Variants in MFN1 observed in about 807,000 individuals in gnomAD.
MFN1 encodes mitofusin 1.
Under a neutral mutation model 92.4 loss-of-function variants are expected in MFN1, and 65 were observed. The ratio of observed to expected loss-of-function variants is 0.70; its 90% CI spans 0.58 to 0.86. The LOEUF is 0.86. Among genes scored for constraint, MFN1 ranks in the 40% least tolerant of loss-of-function variants. The pLI is 0.00. For missense variants in MFN1, 781 were observed against 868.0 expected (o/e 0.90, Z 1.26); for synonymous variants, 297 against 300.9 (o/e 0.99, Z 0.13).
intron 3 of MFN1, among the ~76,000 whole-genome samples, chr3:179,353,872 G>A (rs1211463504): frequency 6.6e-6 from 1 of 152,176 alleles, no homozygotes; most frequent in East Asian, 1.9e-4. Flanking sequence ...TTGTAGCTAC[G>A]TCTAGTGCCT....
chr3:179,386,532 G>A lies in MFN1; in HGVS notation c.1915G>A (p.Glu639Lys). 2.5e-6 allele frequency: 4 copies of A among 1,614,072 alleles called. No individual in the cohort carries two copies. The South Asian group carries it at 4.4e-5, about 18-fold the overall frequency. The change falls in exon 16 of 18, where the codon GAG becomes AAG. Residue 639 changes from glutamate to lysine, a missense_variant. Glu to Lys is a moderately conservative substitution (Grantham distance 56). Transcript: ENST00000471841. Reference protein sequence around the residue: ...ERLSWTTHAKERAFKQQFVNY... With the variant: ...ERLSWTTHAKKRAFKQQFVNY... ...ACTGAGCTGGACCACCCATGCCAAG[G>A]AGCGAGCCTTTAAACAGCAGTTTGT...
At chr3:179,369,934 C>G (rs1273110811) in intron 9 of MFN1, among the ~76,000 whole-genome samples, 1 of 152,044 alleles carries the variant, frequency 6.6e-6, no homozygotes, top group Admixed American at 6.6e-5. Context: ...ATGGAATGTC[C>G]AGCTTTAGAG....
intron 15 of MFN1, among the ~76,000 whole-genome samples, chr3:179,386,038 C>A (rs1713674105): frequency 1.3e-5 from 2 of 152,200 alleles, no homozygotes; most frequent in South Asian, 4.1e-4. Context: ...ATCTAGCCTT[C>A]TCTGAATATC....
chr3:179,366,278 A>G (rs1712790167), intron 7 of MFN1, among the ~76,000 whole-genome samples: 1 of 152,140 alleles, frequency 6.6e-6, no homozygotes, highest in Non-Finnish European at 1.5e-5. Flanking sequence ...ACAAGTTAAG[A>G]ATATGTTCGA....
intron 2 of MFN1, among the ~76,000 whole-genome samples, chr3:179,349,399 T>C (rs985570754): frequency 2.0e-5 from 3 of 152,130 alleles, no homozygotes; most frequent in African/African-American, 7.2e-5. Flanking sequence ...AGCCAAGACC[T>C]CAGACATATC....
Position 179,353,218 on chromosome 3 carries a change from T to G in MFN1, c.248+1183T>G, listed in dbSNP as rs537149722. Among the ~76,000 whole-genome samples the G allele has an allele frequency of 3.1e-5, 4 of 130,662 alleles. No individual in the cohort carries two copies. In the South Asian group the frequency reaches 1.0e-3, roughly 33 times the overall value. 85.7% of individuals were successfully genotyped at this position (130,662 alleles called of 152,430 possible). A position where few individuals can be genotyped will look rare whatever the true frequency, so the allele number is the denominator to read the frequency against. On this transcript the variant is annotated intron_variant, in intron 3 of 17. Transcript: ENST00000471841. ...ACAGGCGTGTGCTGCCACACCTGGCTAATTTTTTTTTTTTTTTTTTGTATT... is the reference window on the plus strand; with the variant it reads ...ACAGGCGTGTGCTGCCACACCTGGCGAATTTTTTTTTTTTTTTTTTGTATT...
At chr3:179,379,484 G>C (rs1577013736) in intron 14 of MFN1, among the ~76,000 whole-genome samples, 1 of 152,144 alleles carries the variant, frequency 6.6e-6, no homozygotes, top group Non-Finnish European at 1.5e-5. Context: ...CTCCTGAGCA[G>C]CTGGGATTAT....
chr3:179,375,698 C>T (rs1285759512), intron 10 of MFN1, among the ~76,000 whole-genome samples: 2 of 152,154 alleles, frequency 1.3e-5, no homozygotes, highest in Non-Finnish European at 2.9e-5. Flanking sequence ...ATTCAACCCA[C>T]GACCCATTTT....
intron 7 of MFN1, 74 bp from the exon 8 acceptor site, chr3:179,367,365 G>A (rs1453317448): frequency 1.8e-5 from 23 of 1,250,656 alleles, no homozygotes; most frequent in Non-Finnish European, 2.5e-5. Context: ...AATAAAGTAA[G>A]TATTGGTCTA....
Position 179,394,605 on chromosome 3 carries a change from C to T in MFN1, c.*2546C>T, listed in dbSNP as rs1215883093. 12 of 151,396 alleles carry T rather than the reference C, an allele frequency of 7.9e-5. No homozygotes were observed. Among genetic ancestry groups the T allele is most frequent in the Admixed American group, 6.6e-4 (10 of 15,184 alleles). 9.4% of individuals were successfully genotyped at this position (151,396 alleles called of 1,614,324 possible). A position where few individuals can be genotyped will look rare whatever the true frequency, so the allele number is the denominator to read the frequency against. On this transcript the variant is annotated 3_prime_UTR_variant, in exon 18 of 18. Coordinates refer to ENST00000471841, the MANE Select transcript of MFN1 (RefSeq NM_033540.3). ...TAATTTTTTGTATTTTTAGTAGAGA[C>T]GGGGTTTCACCGTGTTAGCCAGGAT... is the stretch of plus-strand genomic sequence containing the variant.
chr3:179,375,083 G>A, intron 9 of MFN1, 137 bp from the exon 10 acceptor site: 1 of 961,824 alleles, frequency 1.0e-6, no homozygotes. Context: ...ATTTTAAGTT[G>A]TGCTTTTATC....
At chr3:179,390,229 A>T (rs934177617) in intron 17 of MFN1, 91 bp downstream of exon 17, 31 of 1,104,784 alleles carry the variant, frequency 2.8e-5, no homozygotes, top group Non-Finnish European at 3.7e-5. Context: ...TTCATTCCTA[A>T]TAGCTTTTTG....
intron 3 of MFN1, among the ~76,000 whole-genome samples, chr3:179,354,198 A>G (rs1369335937): frequency 6.6e-6 from 1 of 152,222 alleles, no homozygotes; most frequent in African/African-American, 2.4e-5. Context: ...AGAAATAGGT[A>G]TAGCTTTGGA....
rs1296366689 is a variant in MFN1, at chr3:179,393,466, T to G, written c.*1407T>G. Reference sequence around the variant, plus strand: ...CTTCCTTTTCTATGCCTTTTAAGGCTTCTAGATGCTATTCAGCCTTTTTAC... The same window carrying G: ...CTTCCTTTTCTATGCCTTTTAAGGCGTCTAGATGCTATTCAGCCTTTTTAC... On this transcript the variant is annotated 3_prime_UTR_variant, in exon 18 of 18. Coordinates refer to ENST00000471841, the MANE Select transcript of MFN1 (RefSeq NM_033540.3). 1 of 152,226 alleles carries G rather than the reference T, an allele frequency of 6.6e-6. No individual in the cohort carries two copies. The highest frequency in any genetic ancestry group is 1.5e-5 in the Non-Finnish European group (1 of 68,042). The allele number at this position is 152,226 out of a possible 1,614,324, so 9.4% of individuals were successfully genotyped here.
intron 3 of MFN1, among the ~76,000 whole-genome samples, chr3:179,356,239 C>A (rs1712340216): frequency 6.6e-6 from 1 of 152,176 alleles, no homozygotes; most frequent in Non-Finnish European, 1.5e-5. Context: ...AACTTTCCTT[C>A]CCACCCACCC....
chr3:179,385,755 G>T, intron 15 of MFN1, 34 bp downstream of exon 15: 1 of 1,598,902 alleles, frequency 6.3e-7, no homozygotes, highest in South Asian at 1.1e-5. Flanking sequence ...AATTAAAATC[G>T]AAATGTTTGC....
Position 179,348,975 on chromosome 3 carries a change from T to A in MFN1, c.112+12T>A. 1 of 1,571,736 alleles carries A rather than the reference T, an allele frequency of 6.4e-7. No homozygotes were observed. The highest frequency in any genetic ancestry group is 8.7e-7 in the Non-Finnish European group (1 of 1,152,740). On this transcript the variant is annotated intron_variant, in intron 2 of 17. Transcript: ENST00000471841. ...ACATTTTGTTGAAGGTTAGTTCTTCTTAAGTTTTTAAAGTAATTACTGTTG... is the reference window on the plus strand; with the variant it reads ...ACATTTTGTTGAAGGTTAGTTCTTCATAAGTTTTTAAAGTAATTACTGTTG...
At chr3:179,381,949 T>C (rs963770500) in intron 14 of MFN1, among the ~76,000 whole-genome samples, 2 of 152,238 alleles carry the variant, frequency 1.3e-5, no homozygotes, top group Non-Finnish European at 2.9e-5. Context: ...GGAAAGCTTA[T>C]CCTAAAGCTT....
At position 179,365,114 on chromosome 3, in the gene MFN1, TC is replaced by T; in HGVS notation, c.646-3del. The T allele has an allele frequency of 6.6e-7, 1 of 1,519,586 alleles. No individual in the cohort carries two copies. The allele number at this position is 1,519,586 out of a possible 1,614,324, so 94.1% of individuals were successfully genotyped here. On this transcript the variant is annotated splice_region_variant and splice_polypyrimidine_tract_variant and intron_variant, in intron 6 of 17. Transcript: ENST00000471841. ...TGTACTGTGGGGTTTTTTTTGTTTT[TC>T]AGGAAAAACACTTTTTTCACAAGGT...
Sources: gnomAD v4.1 joint callset for allele counts (sites outside exome capture counted in the v4.1 genomes callset) on GRCh38, gnomAD v4.1.1 for gene constraint, MANE v1.5 for transcripts, NCBI Gene and HGNC (gene_info 2026-07-23, HGNC 2026-07-21) for gene names.